The following PCDH9 variants were observed in gnomAD, a reference collection of about 807,000 sequenced individuals.
The protein encoded by PCDH9 is protocadherin-9.
A neutral mutation model predicts 70.6 loss-of-function variants in PCDH9; 24 were observed. That is an observed-to-expected ratio of 0.34 (90% CI 0.25 to 0.48). The LOEUF is 0.48. PCDH9 is among the 20% of genes least tolerant of loss of function. The pLI, the probability that PCDH9 is intolerant of heterozygous loss-of-function variation, is 0.99. For synonymous variants in PCDH9, 562 were observed against 558.5 expected (o/e 1.01, Z -0.09); for missense variants, 1,281 against 1,503.6 (o/e 0.85, Z 2.45).
At chr13:66,934,894 G>A (rs1358790640) in intron 2 of PCDH9, among the ~76,000 whole-genome samples, 1 of 147,836 alleles carries the variant, frequency 6.8e-6, no homozygotes, top group Non-Finnish European at 1.5e-5. Context: ...CTAATTTTTT[G>A]TATTTTTAGT....
At chr13:66,582,008 A>G (rs981524023) in intron 4 of PCDH9, among the ~76,000 whole-genome samples, 2 of 152,168 alleles carry the variant, frequency 1.3e-5, no homozygotes, top group Non-Finnish European at 1.5e-5. Context: ...TCCTCTGGAA[A>G]GCCAATGAGA....
intron 3 of PCDH9, among the ~76,000 whole-genome samples, chr13:66,712,677 G>T (rs1158781060): frequency 6.6e-6 from 1 of 152,078 alleles, no homozygotes; most frequent in Non-Finnish European, 1.5e-5. Flanking sequence ...TCAGGTGATT[G>T]TCCAATTTTT....
chr13:67,100,220 T>TA (rs1347125886), intron 2 of PCDH9, among the ~76,000 whole-genome samples: 1 of 152,182 alleles, frequency 6.6e-6, no homozygotes, highest in Non-Finnish European at 1.5e-5. Context: ...TATTGCTTTT[T>TA]AAAATTCTCA....
rs1203153493 is a variant in PCDH9 at position 66,824,686 on chromosome 13, A to G, written c.3138+78818T>C. 1.2e-3 allele frequency among the ~76,000 whole-genome samples: 69 copies of G among 56,550 alleles called. 1 individual carries two copies. The highest frequency in any genetic ancestry group is 2.7e-3 in the African/African-American group (63 of 22,988). 37.1% of individuals were successfully genotyped at this position (56,550 alleles called of 152,430 possible). On this transcript the variant is annotated intron_variant, in intron 3 of 4. Coordinates refer to ENST00000377865, the MANE Select transcript of PCDH9 (RefSeq NM_203487.3). ...TATATATATATATATATATATATAT[A>G]TATATATATATGCACACACACATAT...
At chr13:67,018,141 A>G (rs950628340) in intron 2 of PCDH9, among the ~76,000 whole-genome samples, 1 of 152,212 alleles carries the variant, frequency 6.6e-6, no homozygotes, top group African/African-American at 2.4e-5. Context: ...TGAGTCTCAA[A>G]TTCATTCAGC....
chr13:67,172,370 T>C (rs182606401), intron 2 of PCDH9, among the ~76,000 whole-genome samples: 5 of 152,310 alleles, frequency 3.3e-5, no homozygotes, highest in South Asian at 4.1e-4. Flanking sequence ...GCCCTTTCTA[T>C]AGAAAGATAA....
At chr13:66,633,982 A>T (rs917508001) in intron 3 of PCDH9, among the ~76,000 whole-genome samples, 1 of 152,232 alleles carries the variant, frequency 6.6e-6, no homozygotes, top group Non-Finnish European at 1.5e-5. Flanking sequence ...AAGAAAAACT[A>T]AAACATTGTT....
At chr13:66,562,293 G>A (rs959333037) in intron 4 of PCDH9, among the ~76,000 whole-genome samples, 1 of 152,044 alleles carries the variant, frequency 6.6e-6, no homozygotes, top group Non-Finnish European at 1.5e-5. Context: ...CAGCATGTAG[G>A]CTGCTCTATT....
chr13:66,483,676 G>A (rs1191196576), intron 4 of PCDH9, among the ~76,000 whole-genome samples: 1 of 152,172 alleles, frequency 6.6e-6, no homozygotes, highest in Admixed American at 6.5e-5. Flanking sequence ...GAAGAGCATG[G>A]TCCCTTTAAG....
chr13:66,808,514 A>T (rs1156707162), intron 3 of PCDH9, among the ~76,000 whole-genome samples: 1 of 130,266 alleles, frequency 7.7e-6, no homozygotes, highest in African/African-American at 2.6e-5. Context: ...AGTAAAACAA[A>T]ACAAAACAAA....
intron 3 of PCDH9, among the ~76,000 whole-genome samples, chr13:66,797,496 T>C (rs2080262119): frequency 6.6e-6 from 1 of 152,198 alleles, no homozygotes; most frequent in Non-Finnish European, 1.5e-5. Flanking sequence ...CCTAACCCTA[T>C]AATAACAAAC....
chr13:66,743,545 TAGAC>T (rs1365342928), intron 3 of PCDH9, among the ~76,000 whole-genome samples: 5 of 151,942 alleles, frequency 3.3e-5, no homozygotes, highest in Non-Finnish European at 5.9e-5. Flanking sequence ...AAATTTCAAT[TAGAC>T]AGGAGGAATA....
chr13:66,868,486 A>C (rs1451770885), intron 3 of PCDH9, among the ~76,000 whole-genome samples: 1 of 152,046 alleles, frequency 6.6e-6, no homozygotes, highest in African/African-American at 2.4e-5. Context: ...ACATATTTTT[A>C]ATAAATATTT....
chr13:66,458,278 T>C (rs1958357764), intron 4 of PCDH9, among the ~76,000 whole-genome samples: 1 of 152,026 alleles, frequency 6.6e-6, no homozygotes, highest in African/African-American at 2.4e-5. Flanking sequence ...TTTATTCTTA[T>C]TTACTTAAAT....
chr13:67,079,809 A>G (rs1290561214), intron 2 of PCDH9, among the ~76,000 whole-genome samples: 1 of 152,128 alleles, frequency 6.6e-6, no homozygotes, highest in Non-Finnish European at 1.5e-5. Flanking sequence ...GTCACCTATG[A>G]GGCTACATTT....
chr13:66,643,128 A>G (rs2077729350), intron 3 of PCDH9, among the ~76,000 whole-genome samples: 1 of 152,064 alleles, frequency 6.6e-6, no homozygotes, highest in Non-Finnish European at 1.5e-5. Context: ...ATATCAAGAT[A>G]TTTTGGGAAG....
intron 4 of PCDH9, among the ~76,000 whole-genome samples, chr13:66,409,235 T>G (rs1279882635): frequency 1.3e-5 from 2 of 152,212 alleles, no homozygotes; most frequent in Admixed American, 6.5e-5. Context: ...GATTTAAAAT[T>G]TATGTCAATA....
intron 2 of PCDH9, among the ~76,000 whole-genome samples, chr13:67,081,831 T>A (rs183053366): frequency 6.6e-6 from 1 of 152,286 alleles, no homozygotes; most frequent in East Asian, 1.9e-4. Flanking sequence ...AGAGACTGAC[T>A]GGCAAAAATC....
intron 4 of PCDH9, among the ~76,000 whole-genome samples, chr13:66,545,082 A>T (rs921774742): frequency 1.3e-5 from 2 of 152,170 alleles, no homozygotes; most frequent in African/African-American, 4.8e-5. Context: ...ATGTCCTTTA[A>T]ATTTTTGGTA....
Sources: allele counts gnomAD v4.1 joint callset (sites outside exome capture counted in the v4.1 genomes callset), GRCh38; gene constraint gnomAD v4.1.1; transcripts MANE v1.5; gene names NCBI Gene and HGNC (gene_info 2026-07-23, HGNC 2026-07-21).